FAM20B: variants seen among roughly 807,000 people sequenced by gnomAD.
FAM20B encodes the protein glycosaminoglycan xylosylkinase.
Under a neutral mutation model 43.8 loss-of-function variants are expected in FAM20B, and 23 were observed. The observed-to-expected ratio is 0.53, with a 90% CI of 0.38 to 0.74. The LOEUF (loss-of-function observed/expected upper bound fraction) is 0.74. FAM20B is among the 30% of genes least tolerant of loss of function. The probability of loss-of-function intolerance (pLI) is 0.00; values close to 1 mark genes in which losing one functional copy is unlikely to be tolerated. For synonymous variants in FAM20B, 178 were observed against 192.4 expected, an observed-to-expected ratio of 0.93 and a Z score of 0.62; for missense variants, 440 against 510.5, an observed-to-expected ratio of 0.86 and a Z score of 1.33.
intron 1 of FAM20B, among the ~76,000 whole-genome samples, chr1:179,036,787 T>C (rs778292949): frequency 6.6e-6 from 1 of 152,190 alleles, no homozygotes; most frequent in Non-Finnish European, 1.5e-5. Flanking sequence ...CAAGGCCGAA[T>C]GTAGTTAAGT....
rs1409973815 is a variant in FAM20B, at chr1:179,043,935, A to G, written c.88A>G (p.Thr30Ala). The change falls in exon 2 of 8, where the codon ACA becomes GCA. Residue 30 changes from threonine to alanine, a missense_variant. Physicochemically the swap from Thr to Ala is moderately conservative, Grantham distance 58. Transcript: ENST00000263733. ...AGTTTTCCTGATTGACAACTTAGAT[A>G]CATCAGCTGCCAACCGGGAGGACCA... is the stretch of plus-strand genomic sequence containing the variant. ...TKVFLIDNLDTSAANREDQRA... is the reference protein window; with the variant it reads ...TKVFLIDNLDASAANREDQRA... The G allele has an allele frequency of 6.2e-7, 1 of 1,613,978 alleles. No individual in the cohort carries two copies. Among genetic ancestry groups the G allele is most frequent in the Non-Finnish European group, 8.5e-7 (1 of 1,179,840 alleles).
chr1:179,038,644 T>C (rs1650353182), intron 1 of FAM20B, among the ~76,000 whole-genome samples: 1 of 152,200 alleles, frequency 6.6e-6, no homozygotes, highest in African/African-American at 2.4e-5. Context: ...CACTTGAAAA[T>C]GTTGTGTGGT....
chr1:179,063,863 T>G, intron 4 of FAM20B, 64 bp from the exon 5 acceptor site: 1 of 1,206,506 alleles, frequency 8.3e-7, no homozygotes, highest in Non-Finnish European at 1.2e-6. Flanking sequence ...TCTGCATTAT[T>G]TGGGAGAGAA....
At chr1:179,024,060 G>A (rs138408047), upstream of FAM20B, among the ~76,000 whole-genome samples, 20 of 152,274 alleles carry the variant, frequency 1.3e-4, 1 homozygote, top group East Asian at 3.9e-3. Flanking sequence ...AAACTGGGGG[G>A]CAGAACAATT....
chr1:179,034,952 T>C (rs1440615351), intron 1 of FAM20B, among the ~76,000 whole-genome samples: 1 of 152,192 alleles, frequency 6.6e-6, no homozygotes, highest in Non-Finnish European at 1.5e-5. Context: ...ACTTTCACTT[T>C]TAGTTGCTAT....
intron 3 of FAM20B, among the ~76,000 whole-genome samples, chr1:179,054,050 T>C (rs1043610296): frequency 6.6e-6 from 1 of 152,040 alleles, no homozygotes; most frequent in South Asian, 2.1e-4. Flanking sequence ...ATTAGAGATA[T>C]CTTCAAATGT....
chr1:179,063,857 C>A, intron 4 of FAM20B, 70 bp from the exon 5 acceptor site: 1 of 1,116,262 alleles, frequency 9.0e-7, no homozygotes, highest in Non-Finnish European at 1.3e-6. Context: ...CTCTGTTCTG[C>A]ATTATTTGGG....
chr1:179,054,422 TA>T, intron 3 of FAM20B, 106 bp from the exon 4 acceptor site: 1 of 655,906 alleles, frequency 1.5e-6, no homozygotes, highest in Non-Finnish European at 2.7e-6. Flanking sequence ...AGCTACTAGC[TA>T]AAAACCCTTT....
At chr1:179,030,252 T>C (rs979699865) in intron 1 of FAM20B, among the ~76,000 whole-genome samples, 9 of 152,210 alleles carry the variant, frequency 5.9e-5, no homozygotes, top group African/African-American at 2.2e-4. Flanking sequence ...TTGGTGTAGA[T>C]AGTGAACGTG....
At chr1:179,026,371 G>C (rs1649776545) in intron 1 of FAM20B, among the ~76,000 whole-genome samples, 1 of 151,892 alleles carries the variant, frequency 6.6e-6, no homozygotes, top group Admixed American at 6.5e-5. Context: ...GAAGGGACGC[G>C]GCCTCGGCCG....
chr1:179,069,409 C>A (rs778447728), intron 7 of FAM20B, among the ~76,000 whole-genome samples: 1 of 152,046 alleles, frequency 6.6e-6, no homozygotes, highest in Non-Finnish European at 1.5e-5. Context: ...CTCGCTCTGT[C>A]GCCCAGGCTG....
At chr1:179,063,279 A>T (rs1242145333) in intron 4 of FAM20B, among the ~76,000 whole-genome samples, 1 of 152,052 alleles carries the variant, frequency 6.6e-6, no homozygotes, top group African/African-American at 2.4e-5. Flanking sequence ...TCAGTCTCAA[A>T]AAAAAATAAA....
At chr1:179,068,521 C>T (rs1175072264) in intron 7 of FAM20B, among the ~76,000 whole-genome samples, 2 of 151,892 alleles carry the variant, frequency 1.3e-5, no homozygotes, top group Admixed American at 1.3e-4. Flanking sequence ...CTGCAGCCTC[C>T]ACCTCCCATG....
intron 4 of FAM20B, among the ~76,000 whole-genome samples, chr1:179,060,999 G>C (rs1487333179): frequency 6.6e-6 from 1 of 151,488 alleles, no homozygotes. Context: ...CTGTGTCATT[G>C]GTCTTACTGA....
chr1:179,065,761 C>T (rs1320998400), intron 6 of FAM20B, among the ~76,000 whole-genome samples: 2 of 152,216 alleles, frequency 1.3e-5, no homozygotes, highest in Non-Finnish European at 2.9e-5. Flanking sequence ...AAAATAGTTG[C>T]TTTGTCCACT....
chr1:179,062,154 A>G (rs11584705), intron 4 of FAM20B, among the ~76,000 whole-genome samples: 10,466 of 152,146 alleles, frequency 0.069, 471 homozygotes, highest in Middle Eastern at 0.12. Flanking sequence ...TTACAGGTGC[A>G]CACCACTACT....
chr1:179,047,365 A>G (rs1205668924), intron 2 of FAM20B, among the ~76,000 whole-genome samples: 2 of 152,094 alleles, frequency 1.3e-5, no homozygotes, highest in African/African-American at 4.8e-5. Flanking sequence ...CAGCTTTAAA[A>G]CATCCAGGGA....
intron 7 of FAM20B, among the ~76,000 whole-genome samples, chr1:179,071,427 A>G (rs910533957): frequency 1.3e-5 from 2 of 152,200 alleles, no homozygotes; most frequent in Non-Finnish European, 2.9e-5. Context: ...TCTTGTTAAC[A>G]CTGTAGTGTA....
intron 4 of FAM20B, among the ~76,000 whole-genome samples, chr1:179,062,866 T>TA (rs1173317356): frequency 1.3e-5 from 2 of 152,194 alleles, no homozygotes; most frequent in African/African-American, 4.8e-5. Context: ...CCCCTCTATG[T>TA]AACCAAACTC....
Sources: allele counts gnomAD v4.1 joint callset (sites outside exome capture counted in the v4.1 genomes callset), GRCh38; gene constraint gnomAD v4.1.1; transcripts MANE v1.5; gene names NCBI Gene and HGNC (gene_info 2026-07-23, HGNC 2026-07-21).